The following C8orf34 variants were observed in gnomAD, a reference collection of about 807,000 sequenced individuals.
C8orf34 encodes the protein uncharacterized protein C8orf34.
Under a neutral mutation model 68.3 loss-of-function variants are expected in C8orf34, and 65 were observed. That is an observed-to-expected ratio of 0.95 (90% CI 0.78 to 1.17). C8orf34 has a LOEUF of 1.17. C8orf34 is among the 50% of genes most tolerant of loss of function. C8orf34 has a pLI of 0.00. For synonymous variants in C8orf34, 244 were observed against 241.2 expected (o/e 1.01, Z -0.11); for missense variants, 664 against 655.4 (o/e 1.01, Z -0.14).
At chr8:68,369,847 T>A (rs1807481499) in intron 1 of C8orf34, among the ~76,000 whole-genome samples, 1 of 152,212 alleles carries the variant, frequency 6.6e-6, no homozygotes, top group Non-Finnish European at 1.5e-5. Context: ...ACTTCGAGTA[T>A]CATTGGATCT....
chr8:68,379,332 A>T (rs1271060586), intron 1 of C8orf34, among the ~76,000 whole-genome samples: 1 of 152,214 alleles, frequency 6.6e-6, no homozygotes, highest in Non-Finnish European at 1.5e-5. Context: ...TGGTGGCAAG[A>T]ATCAGGCCGT....
intron 9 of C8orf34, among the ~76,000 whole-genome samples, chr8:68,717,644 CTTTGTAA>C (rs1288557363): frequency 6.6e-6 from 1 of 151,752 alleles, no homozygotes; most frequent in Non-Finnish European, 1.5e-5. Context: ...TTTATTTTGT[CTTTGTAA>C]TTTGTAATTT....
At chr8:68,458,065 C>T (rs1002939792) in intron 3 of C8orf34, among the ~76,000 whole-genome samples, 5 of 151,944 alleles carry the variant, frequency 3.3e-5, no homozygotes, top group African/African-American at 1.2e-4. Context: ...CCTGATTATA[C>T]CATGGCTTTG....
chr8:68,361,777 A>G (rs533074209), intron 1 of C8orf34, among the ~76,000 whole-genome samples: 78 of 152,314 alleles, frequency 5.1e-4, no homozygotes, highest in Non-Finnish European at 9.6e-4. Context: ...AATTTAACTG[A>G]GTACTTGTTG....
Position 68,614,765 on chromosome 8 carries a change from A to G in C8orf34, c.1106-25611A>G, listed in dbSNP as rs570413737. On this transcript the variant is annotated intron_variant, in intron 7 of 13. Transcript: ENST00000518698. ...TCTTTTGGCTTAGGATTGACTTGGCAATGTGGGCTCTTTTTTGGTTCCACA... is the reference window on the plus strand; with the variant it reads ...TCTTTTGGCTTAGGATTGACTTGGCGATGTGGGCTCTTTTTTGGTTCCACA... 3.3e-4 allele frequency among the ~76,000 whole-genome samples: 50 copies of G among 152,220 alleles called. 1 individual carries two copies. Among genetic ancestry groups the G allele is most frequent in the Middle Eastern group, 6.8e-3 (2 of 294 alleles).
intron 8 of C8orf34, among the ~76,000 whole-genome samples, chr8:68,694,292 A>G (rs1820766252): frequency 6.6e-6 from 1 of 150,566 alleles, no homozygotes; most frequent in Non-Finnish European, 1.5e-5. Flanking sequence ...ACAGAATGAC[A>G]CACAATAAAA....
At chr8:68,468,650 T>C in intron 3 of C8orf34, 42 bp from the exon 4 acceptor site, 1 of 1,597,920 alleles carries the variant, frequency 6.3e-7, no homozygotes, top group Non-Finnish European at 8.5e-7. Context: ...TTTGTGTCAT[T>C]ATGTAGCATG....
upstream of C8orf34, chr8:68,330,926 A>C: frequency 1.9e-6 from 2 of 1,071,448 alleles, no homozygotes; most frequent in Non-Finnish European, 2.5e-6. Flanking sequence ...CGCCCAGAGG[A>C]GAAAGGAACC....
chr8:68,453,817 A>G (rs1811439793), intron 3 of C8orf34, among the ~76,000 whole-genome samples: 1 of 152,056 alleles, frequency 6.6e-6, no homozygotes, highest in South Asian at 2.1e-4. Context: ...GTTGAACAGA[A>G]GTGATGAAAG....
intron 11 of C8orf34, 119 bp downstream of exon 11, chr8:68,776,568 T>A: frequency 1.4e-6 from 1 of 712,784 alleles, no homozygotes; most frequent in Non-Finnish European, 2.3e-6. Context: ...TGTTCAATGG[T>A]CATGTCCACA....
At chr8:68,503,460 G>A (rs1333185792) in intron 5 of C8orf34, among the ~76,000 whole-genome samples, 1 of 152,028 alleles carries the variant, frequency 6.6e-6, no homozygotes. Flanking sequence ...AAATGTGTGT[G>A]GGTACAAAGG....
At chr8:68,675,528 G>T (rs771786542) in intron 8 of C8orf34, among the ~76,000 whole-genome samples, 4 of 151,480 alleles carry the variant, frequency 2.6e-5, no homozygotes, top group East Asian at 1.9e-4. Context: ...TTAAAATAAT[G>T]GTTCTAAGTT....
At chr8:68,537,794 C>G (rs1199162873) in intron 7 of C8orf34, among the ~76,000 whole-genome samples, 1 of 151,844 alleles carries the variant, frequency 6.6e-6, no homozygotes, top group Non-Finnish European at 1.5e-5. Flanking sequence ...TCATTCTTCA[C>G]TTTTGTTTTT....
intron 6 of C8orf34, among the ~76,000 whole-genome samples, chr8:68,523,570 GC>G (rs1369122830): frequency 6.6e-6 from 1 of 152,160 alleles, no homozygotes; most frequent in Non-Finnish European, 1.5e-5. Flanking sequence ...ACAAGAAAGA[GC>G]TGGTGAAATT....
intron 8 of C8orf34, among the ~76,000 whole-genome samples, chr8:68,675,556 T>C (rs1820159009): frequency 6.7e-6 from 1 of 149,646 alleles, no homozygotes; most frequent in East Asian, 1.9e-4. Context: ...GCAAGCCTCA[T>C]AGTAATCTCA....
At chr8:68,472,234 T>TCAAA (rs1812412029) in intron 4 of C8orf34, among the ~76,000 whole-genome samples, 1 of 152,164 alleles carries the variant, frequency 6.6e-6, no homozygotes, top group Non-Finnish European at 1.5e-5. Flanking sequence ...CCTTGAGCCC[T>TCAAA]CACTTTGTAG....
At chr8:68,428,721 G>T (rs1810331717) in intron 1 of C8orf34, among the ~76,000 whole-genome samples, 1 of 152,090 alleles carries the variant, frequency 6.6e-6, no homozygotes. Context: ...CTGTGGTCAT[G>T]AAGATGTTGT....
intron 8 of C8orf34, 47 bp from the exon 9 acceptor site, chr8:68,708,947 C>A: frequency 7.2e-7 from 1 of 1,383,796 alleles, no homozygotes; most frequent in Non-Finnish European, 1.0e-6. Context: ...TCACATTTCA[C>A]AATTTAACAT....
chr8:68,624,313 A>C (rs1355412129), intron 7 of C8orf34, among the ~76,000 whole-genome samples: 1 of 151,938 alleles, frequency 6.6e-6, no homozygotes, highest in African/African-American at 2.4e-5. Context: ...GTAGTTTCTC[A>C]CACACAGAGT....
Sources: gnomAD v4.1 joint callset for allele counts (sites outside exome capture counted in the v4.1 genomes callset) on GRCh38, gnomAD v4.1.1 for gene constraint, MANE v1.5 for transcripts, NCBI Gene and HGNC (gene_info 2026-07-23, HGNC 2026-07-21) for gene names.